Variants in HLA-DPB1 observed in about 807,000 individuals in gnomAD.
The protein encoded by HLA-DPB1 is major histocompatibility complex, class II, DP beta 1.
Under a neutral mutation model 29.4 loss-of-function variants are expected in HLA-DPB1, and 30 were observed. The observed-to-expected ratio is 1.02, with a 90% CI of 0.76 to 1.38. The LOEUF (loss-of-function observed/expected upper bound fraction) is 1.38, where lower values mean the gene tolerates loss of function less well. Among genes scored for constraint, HLA-DPB1 ranks in the 40% most tolerant of loss-of-function variants. HLA-DPB1 has a pLI of 0.00. For missense variants in HLA-DPB1, 261 were observed against 327.5 expected, an observed-to-expected ratio of 0.80 and a Z score of 1.57; for synonymous variants, 114 against 134.0, an observed-to-expected ratio of 0.85 and a Z score of 1.03.
Position 33,088,912 on chromosome 6 carries a change from A to G in HLA-DPB1, c.*2378A>G, listed in dbSNP as rs1273960021. ...CTCCCAGCTGAGTGTTGTATCCTCCATCCCTTTCCACCTGGTCCCTTCATT... is the reference window on the plus strand; with the variant it reads ...CTCCCAGCTGAGTGTTGTATCCTCCGTCCCTTTCCACCTGGTCCCTTCATT... On this transcript the variant is annotated 3_prime_UTR_variant, in exon 6 of 6. Coordinates refer to ENST00000418931, the MANE Select transcript of HLA-DPB1 (RefSeq NM_002121.6). Among the ~76,000 whole-genome samples, 1 of 152,136 alleles carries G rather than the reference A, an allele frequency of 6.6e-6. No individual in the cohort carries two copies. The highest frequency in any genetic ancestry group is 1.5e-5 in the Non-Finnish European group (1 of 68,016).
intron 1 of HLA-DPB1, 94 bp downstream of exon 1, chr6:33,076,235 C>G (rs1270400014): frequency 1.2e-6 from 1 of 832,542 alleles, no homozygotes; most frequent in African/African-American, 1.7e-5. Context: ...AGACAGGCTG[C>G]GGGGGCTCCT....
intron 3 of HLA-DPB1, 136 bp downstream of exon 3, chr6:33,085,367 C>A: frequency 1.3e-6 from 1 of 775,264 alleles, no homozygotes; most frequent in Non-Finnish European, 2.1e-6. Flanking sequence ...ATACCAGCTC[C>A]TGAGCATAGT....
Position 33,076,029 on chromosome 6 carries a change from CT to C in HLA-DPB1, c.-9del. 2 of 1,604,884 alleles carry C rather than the reference CT, an allele frequency of 1.2e-6. No individual in the cohort carries two copies. The highest frequency in any genetic ancestry group is 1.1e-5 in the South Asian group (1 of 89,924). On this transcript the variant is annotated 5_prime_UTR_variant, in exon 1 of 6. Coordinates refer to ENST00000418931, the MANE Select transcript of HLA-DPB1 (RefSeq NM_002121.6). ...CTGCAGCTCTTTTCATTTTGCCATC[CT>C]TTTCCAGCTCCATGATGGTTCTGCA...
Position 33,085,834 on chromosome 6 carries a change from G to T in HLA-DPB1, c.702G>T (p.Val234=). ...CATTGACGGGAGCTGGGGGCTTCGT[G>T]CTGGGGCTCATCATCTGTGGAGTGG... ...SKTLTGAGGF[V]LGLIICGVGI... The change falls in exon 4 of 6, where the codon GTG becomes GTT. Residue 234 remains valine, a synonymous_variant. Transcript: ENST00000418931. 1 of 1,614,098 alleles carries T rather than the reference G, an allele frequency of 6.2e-7. No individual in the cohort carries two copies. The highest frequency in any genetic ancestry group is 8.5e-7 in the Non-Finnish European group (1 of 1,179,992).
intron 2 of HLA-DPB1, among the ~76,000 whole-genome samples, chr6:33,084,580 T>C (rs1181033943): frequency 6.6e-6 from 1 of 152,102 alleles, no homozygotes; most frequent in Non-Finnish European, 1.5e-5. Flanking sequence ...GGTCAGGCGT[T>C]GGTCAAGTGC....
chr6:33,089,439 C>A lies in HLA-DPB1; in HGVS notation c.*2905C>A, dbSNP rs1256946633. Among the ~76,000 whole-genome samples, 3 of 152,214 alleles carry A rather than the reference C, an allele frequency of 2.0e-5. No individual in the cohort carries two copies. Among genetic ancestry groups the A allele is most frequent in the African/African-American group, 7.2e-5 (3 of 41,446 alleles). On this transcript the variant is annotated 3_prime_UTR_variant, in exon 6 of 6. Coordinates refer to ENST00000418931, the MANE Select transcript of HLA-DPB1 (RefSeq NM_002121.6). ...AAGTCATGCAGGAAGCTCTGCTCAT[C>A]ATCGTACTCAGGAAGTCAGGCTGAC...
At chr6:33,084,882 AAGGAAGGAAGGAAG>A in intron 2 of HLA-DPB1, 54 bp from the exon 3 acceptor site, 12 of 579,776 alleles carry the variant, frequency 2.1e-5, no homozygotes, top group Non-Finnish European at 2.6e-5. Context: ...GGAAGGAAGG[AAGGAAGGAAGGAAG>A]GAAAGAAGGA....
At chr6:33,085,277 G>C (rs781427144) in intron 3 of HLA-DPB1, 46 bp downstream of exon 3, 38 of 1,505,098 alleles carry the variant, frequency 2.5e-5, no homozygotes, top group Admixed American at 3.7e-5. Context: ...AAGAGCAGGG[G>C]ACTCTCTGGC....
intron 1 of HLA-DPB1, among the ~76,000 whole-genome samples, chr6:33,077,405 A>G (rs1225994411): frequency 6.6e-6 from 1 of 152,142 alleles, no homozygotes; most frequent in Non-Finnish European, 1.5e-5. Flanking sequence ...TTATAGCAGC[A>G]TGATTTATAA....
At position 33,084,829 on chromosome 6, in the gene HLA-DPB1, G is replaced by A. The variant is rs971165527; in HGVS notation, c.365-121G>A. ...AAAGAAAGAATGAAAGAAAGAAAGA[G>A]CGAGATTATGTCTCAAAAAAAAGGA... On this transcript the variant is annotated intron_variant, in intron 2 of 5. Transcript: ENST00000418931. 6.8e-6 allele frequency: 5 copies of A among 739,930 alleles called. 1 individual carries two copies. The highest frequency in any genetic ancestry group is 1.1e-5 in the Non-Finnish European group (5 of 464,560). The allele number at this position is 739,930 out of a possible 1,614,324, so 45.8% of individuals were successfully genotyped here.
At chr6:33,079,788 GGAAA>G in intron 1 of HLA-DPB1, 1 of 475,726 alleles carries the variant, frequency 2.1e-6, no homozygotes, top group South Asian at 1.6e-5. Flanking sequence ...AAGTCATCAT[GGAAA>G]GAGTCACCCA....
chr6:33,082,738 A>G (rs1762930098), intron 2 of HLA-DPB1, among the ~76,000 whole-genome samples: 1 of 152,184 alleles, frequency 6.6e-6, no homozygotes, highest in South Asian at 2.1e-4. Context: ...TGACAATTCC[A>G]GGGTGGATGT....
At position 33,080,495 on chromosome 6, in the gene HLA-DPB1, C is replaced by A; in HGVS notation, c.101-177C>A. 1 of 854,858 alleles carries A rather than the reference C, an allele frequency of 1.2e-6. No individual in the cohort carries two copies. Among genetic ancestry groups the A allele is most frequent in the Non-Finnish European group, 1.9e-6 (1 of 513,124 alleles). 53.0% of individuals were successfully genotyped at this position (854,858 alleles called of 1,614,324 possible). A position where few individuals can be genotyped will look rare whatever the true frequency, so the allele number is the denominator to read the frequency against. The stretch of plus-strand genomic sequence containing the variant: ...CTCTCTGCGTGGTGAGAAAACAGGC[C>A]TGGAGAGGCTCTGCGACCCGCTTAG... On this transcript the variant is annotated intron_variant, in intron 1 of 5. Transcript: ENST00000418931. The surrounding 1 kb of genome is among the most constrained non-coding windows in gnomAD (Gnocchi z 4.3).
chr6:33,084,560 G>A (rs949514924), intron 2 of HLA-DPB1, among the ~76,000 whole-genome samples: 2 of 152,124 alleles, frequency 1.3e-5, no homozygotes, highest in Non-Finnish European at 1.5e-5. Flanking sequence ...CGAGCGGGTG[G>A]ATCACTTGAG....
intron 1 of HLA-DPB1, among the ~76,000 whole-genome samples, chr6:33,076,935 T>C (rs1383939965): frequency 6.6e-6 from 1 of 152,120 alleles, no homozygotes; most frequent in Non-Finnish European, 1.5e-5. Flanking sequence ...TATATATATA[T>C]ATACTTTAAG....
intron 4 of HLA-DPB1, 122 bp from the exon 5 acceptor site, chr6:33,086,097 C>G (rs1324753851): frequency 4.3e-5 from 41 of 955,634 alleles, no homozygotes; most frequent in Admixed American, 7.0e-5. Flanking sequence ...CCCAAGTACT[C>G]AGGCTCCTGC....
At chr6:33,076,600 A>G (rs2150367253) in intron 1 of HLA-DPB1, among the ~76,000 whole-genome samples, 1 of 152,330 alleles carries the variant, frequency 6.6e-6, no homozygotes, top group Admixed American at 6.5e-5. Flanking sequence ...AGGGTGGAGC[A>G]GGAGCCCACA....
chr6:33,085,655 C>T lies in HLA-DPB1; in HGVS notation c.647-124C>T, dbSNP rs1289619940. 4 of 728,512 alleles carry T rather than the reference C, an allele frequency of 5.5e-6. No homozygotes were observed. The African/African-American group carries it at 7.0e-5, about 13-fold the overall frequency. 45.1% of individuals were successfully genotyped at this position (728,512 alleles called of 1,614,324 possible). ...TGGCTCTTTCTGAATTTCCTCTTAG[C>T]AAGCTTTTTCCGCTGCACTGTCCTC... On this transcript the variant is annotated intron_variant, in intron 3 of 5. Coordinates refer to ENST00000418931, the MANE Select transcript of HLA-DPB1 (RefSeq NM_002121.6).
chr6:33,084,503 G>A (rs1040811810), intron 2 of HLA-DPB1, among the ~76,000 whole-genome samples: 5 of 152,076 alleles, frequency 3.3e-5, no homozygotes, highest in Admixed American at 6.5e-5. Context: ...ATAATAATCT[G>A]GGCAGATGCA....
Sources: allele counts gnomAD v4.1 joint callset (sites outside exome capture counted in the v4.1 genomes callset), GRCh38; gene constraint gnomAD v4.1.1; non-coding constraint Gnocchi (gnomAD v3.1); transcripts MANE v1.5; gene names NCBI Gene and HGNC (gene_info 2026-07-23, HGNC 2026-07-21).